Variants in CRTC3 observed in about 807,000 individuals in gnomAD.
CRTC3 encodes the protein CREB-regulated transcription coactivator 3.
CRTC3 carries 26 observed loss-of-function variants against 74.5 expected under a neutral mutation model. The ratio of observed to expected loss-of-function variants is 0.35; its 90% confidence interval spans 0.26 to 0.48. The LOEUF is 0.48. Ranked by LOEUF, CRTC3 falls within the 20% of genes least tolerant of loss-of-function variation. CRTC3 has a pLI of 0.99. For missense variants in CRTC3, 760 were observed against 787.3 expected (o/e 0.97, Z 0.41); for synonymous variants, 377 against 325.8 (o/e 1.16, Z -1.69).
At chr15:90,634,060 A>G (rs572281390) in intron 11 of CRTC3, among the ~76,000 whole-genome samples, 2 of 152,150 alleles carry the variant, frequency 1.3e-5, no homozygotes, top group African/African-American at 4.8e-5. Context: ...ATTGCATAAA[A>G]GTAGAGAACA....
intron 13 of CRTC3, among the ~76,000 whole-genome samples, chr15:90,640,397 G>A (rs35696015): frequency 0.18 from 27,711 of 152,036 alleles, 2,564 homozygotes; most frequent in African/African-American, 0.2. Context: ...CTAGAAACCA[G>A]GGAAGAGGCC....
chr15:90,625,938 T>C lies in CRTC3; in HGVS notation c.912T>C (p.Asn304=), dbSNP rs780090072. ...ACTTTGGCAGTATGAGTGTGGGGAA[T>C]AGTGTGAACAACATCCCAGCTGCTA... The part of the protein sequence containing the change: ...DHHFGSMSVG[N]SVNNIPAAMT... Residue 304 remains asparagine (N), a synonymous_variant, in exon 10 of 15, where the codon AAT becomes AAC. Transcript: ENST00000268184. 16 of 1,614,178 alleles carry C rather than the reference T, an allele frequency of 9.9e-6. No homozygotes were observed. Among genetic ancestry groups the C allele is most frequent in the Non-Finnish European group, 1.4e-5 (16 of 1,180,036 alleles).
At chr15:90,582,806 C>T (rs1038221605) in intron 2 of CRTC3, among the ~76,000 whole-genome samples, 1 of 152,104 alleles carries the variant, frequency 6.6e-6, no homozygotes, top group African/African-American at 2.4e-5. Flanking sequence ...GTGTGGCTGA[C>T]GCTGTGCAAA....
chr15:90,552,914 C>T (rs893083922), intron 2 of CRTC3, among the ~76,000 whole-genome samples: 1 of 152,032 alleles, frequency 6.6e-6, no homozygotes, highest in African/African-American at 2.4e-5. Flanking sequence ...AATTTTGTTC[C>T]CAAGGTTATA....
intron 2 of CRTC3, 38 bp downstream of exon 2, chr15:90,540,175 G>A: frequency 7.3e-7 from 1 of 1,364,268 alleles, no homozygotes; most frequent in Non-Finnish European, 1.0e-6. Flanking sequence ...GCTGAATGGA[G>A]TGTAAAAAAT....
At chr15:90,597,821 CT>C (rs1967965254) in intron 3 of CRTC3, 1 of 152,136 alleles carries the variant, frequency 6.6e-6, no homozygotes, top group African/African-American at 2.4e-5. Flanking sequence ...CTCTCATTTG[CT>C]GAGGGAAACA....
chr15:90,530,239 C>A lies in CRTC3; in HGVS notation c.132+36C>A, dbSNP rs770232230. ...GGGCCGGCGCGGGCGGGGGCGGCCA[C>A]GGCCGCGGGCGGGACCCGCGCGGCG... On this transcript the variant is annotated intron_variant, in intron 1 of 14. Transcript: ENST00000268184. The surrounding 1 kb of genome is among the most constrained non-coding windows in gnomAD (Gnocchi z 6.2). 2.0e-6 allele frequency: 2 copies of A among 994,688 alleles called. No individual in the cohort carries two copies. Among genetic ancestry groups the A allele is most frequent in the South Asian group, 4.7e-5 (1 of 21,428 alleles). 61.6% of individuals were successfully genotyped at this position (994,688 alleles called of 1,614,324 possible). A position where few individuals can be genotyped will look rare whatever the true frequency, so the allele number is the denominator to read the frequency against.
intron 2 of CRTC3, among the ~76,000 whole-genome samples, chr15:90,545,696 C>T (rs911380424): frequency 6.6e-6 from 1 of 152,164 alleles, no homozygotes; most frequent in African/African-American, 2.4e-5. Context: ...CCTGCCTCAG[C>T]CTCCCAAGTA....
intron 1 of CRTC3, among the ~76,000 whole-genome samples, chr15:90,535,322 G>A (rs148782469): frequency 1.6e-4 from 25 of 152,324 alleles, no homozygotes; most frequent in Non-Finnish European, 3.2e-4. Flanking sequence ...CTCTTATGAA[G>A]AGGAGGGAAT....
At chr15:90,561,064 T>G (rs980129107) in intron 2 of CRTC3, among the ~76,000 whole-genome samples, 3 of 152,216 alleles carry the variant, frequency 2.0e-5, no homozygotes, top group Non-Finnish European at 4.4e-5. Flanking sequence ...CACTGGATCG[T>G]AGACAAGATC....
rs1392126413 is a variant in CRTC3, at chr15:90,641,217, C to G, written c.1651+18C>G. ...CCTGCCAGGTGAGCGAGCTATCCCT[C>G]AGCTTCTTTACTGCTTTTATGTTGT... On this transcript the variant is annotated intron_variant, in intron 14 of 14. Transcript: ENST00000268184. 1 of 1,506,968 alleles carries G rather than the reference C, an allele frequency of 6.6e-7. No homozygotes were observed. Among genetic ancestry groups the G allele is most frequent in the Non-Finnish European group, 9.2e-7 (1 of 1,083,242 alleles). The allele number at this position is 1,506,968 out of a possible 1,614,324, so 93.3% of individuals were successfully genotyped here. A position where few individuals can be genotyped will look rare whatever the true frequency, so the allele number is the denominator to read the frequency against.
At chr15:90,553,278 CTCACTG>C (rs1596078774) in intron 2 of CRTC3, among the ~76,000 whole-genome samples, 1 of 152,172 alleles carries the variant, frequency 6.6e-6, no homozygotes, top group Non-Finnish European at 1.5e-5. Flanking sequence ...GTGTGATGTG[CTCACTG>C]GTTTGCCTTT....
intron 11 of CRTC3, among the ~76,000 whole-genome samples, chr15:90,636,503 A>G (rs1400302750): frequency 6.6e-6 from 1 of 151,912 alleles, no homozygotes; most frequent in African/African-American, 2.4e-5. Context: ...ATGGGCAAGG[A>G]CTTCATGTCT....
chr15:90,590,551 G>C (rs1967776032), intron 2 of CRTC3, among the ~76,000 whole-genome samples: 1 of 151,972 alleles, frequency 6.6e-6, no homozygotes, highest in South Asian at 2.1e-4. Context: ...GTAGAGGCAG[G>C]GTTTTGCCAT....
In CRTC3 at chr15:90,601,350, G is replaced by T. The variant is rs569178885; in HGVS notation, c.352-974G>T. Among the ~76,000 whole-genome samples, 6 of 152,174 alleles carry T rather than the reference G, an allele frequency of 3.9e-5. No homozygotes were observed. The East Asian group carries it at 9.6e-4, about 24-fold the overall frequency. On this transcript the variant is annotated intron_variant, in intron 3 of 14. Coordinates refer to ENST00000268184, the MANE Select transcript of CRTC3 (RefSeq NM_022769.5). The stretch of plus-strand genomic sequence containing the variant: ...ACACATCTAATGCGCCTCTTTTTTG[G>T]TTATAAATACCAGGAACCGCCGGGC...
At chr15:90,635,666 A>C (rs1486558517) in intron 11 of CRTC3, among the ~76,000 whole-genome samples, 1 of 152,054 alleles carries the variant, frequency 6.6e-6, no homozygotes, top group Non-Finnish European at 1.5e-5. Flanking sequence ...TGTCTCCAGA[A>C]AAAAAGATTT....
At position 90,638,508 on chromosome 15, in the gene CRTC3, G is replaced by A. The variant is rs373810754; in HGVS notation, c.1329G>A (p.Ser443=). 2.7e-5 allele frequency: 44 copies of A among 1,613,734 alleles called. No homozygotes were observed. The highest frequency in any genetic ancestry group is 1.6e-4 in the East Asian group (7 of 44,892). Residue 443 remains serine, a synonymous_variant, in exon 12 of 15, where the codon TCG becomes TCA. Transcript: ENST00000268184. ...FLPTEAQAQV[S]PPPPYPAPQE... is the part of the protein sequence containing the mutation. ...CCACAGAAGCTCAAGCCCAGGTGTCGCCGCCACCCCCTTACCCTGCACCCC... is the reference window on the plus strand; with the variant it reads ...CCACAGAAGCTCAAGCCCAGGTGTCACCGCCACCCCCTTACCCTGCACCCC...
At chr15:90,561,801 T>C (rs984912779) in intron 2 of CRTC3, among the ~76,000 whole-genome samples, 1 of 152,212 alleles carries the variant, frequency 6.6e-6, no homozygotes, top group Non-Finnish European at 1.5e-5. Flanking sequence ...AATTTCACAA[T>C]AGTCAGGAGT....
rs1401260194 is a variant in CRTC3, at chr15:90,642,311, G to A, written c.*171G>A. 1 of 622,838 alleles carries A rather than the reference G, an allele frequency of 1.6e-6. No individual in the cohort carries two copies. Among genetic ancestry groups the A allele is most frequent in the East Asian group, 2.8e-5 (1 of 36,278 alleles). 38.6% of individuals were successfully genotyped at this position (622,838 alleles called of 1,614,324 possible). On this transcript the variant is annotated 3_prime_UTR_variant, in exon 15 of 15. Coordinates refer to ENST00000268184, the MANE Select transcript of CRTC3 (RefSeq NM_022769.5). ...ATCTCAGACACTGTGGCTTCCTCCA[G>A]ATCACACAGCTTTGTACTGCCTCTC...
Sources: allele counts gnomAD v4.1 joint callset (sites outside exome capture counted in the v4.1 genomes callset), GRCh38; gene constraint gnomAD v4.1.1; non-coding constraint Gnocchi (gnomAD v3.1); transcripts MANE v1.5; gene names NCBI Gene and HGNC (gene_info 2026-07-23, HGNC 2026-07-21).